The following DAB1 variants were observed in gnomAD, a reference collection of about 807,000 sequenced individuals.
DAB1 encodes disabled homolog 1.
In DAB1, 15 loss-of-function variants were observed where a neutral mutation model predicts 64.6. The ratio of observed to expected loss-of-function variants is 0.23; its 90% confidence interval spans 0.16 to 0.36. DAB1 has a LOEUF of 0.36. Among genes scored for constraint, DAB1 ranks in the 10% least tolerant of loss-of-function variants. The probability of loss-of-function intolerance (pLI) is 1.00; values close to 1 mark genes in which losing one functional copy is unlikely to be tolerated. For synonymous variants in DAB1, 235 were observed against 251.9 expected, an observed-to-expected ratio of 0.93 and a Z score of 0.64; for missense variants, 596 against 706.7, an observed-to-expected ratio of 0.84 and a Z score of 1.78.
chr1:58,127,106 C>G (rs2100685713), intron 5 of DAB1, among the ~76,000 whole-genome samples: 1 of 151,298 alleles, frequency 6.6e-6, no homozygotes, highest in Non-Finnish European at 1.5e-5. Flanking sequence ...TTTTCCACAT[C>G]CTCTCCAGCA....
intron 7 of DAB1, among the ~76,000 whole-genome samples, chr1:57,549,057 G>A (rs1176000015): frequency 4.6e-5 from 7 of 152,236 alleles, no homozygotes; most frequent in Non-Finnish European, 8.8e-5. Context: ...AGAAATGGAC[G>A]GCTTTGTGTG....
intron 1 of DAB1, among the ~76,000 whole-genome samples, chr1:57,295,078 GCA>G (rs1238511478): frequency 6.6e-6 from 1 of 152,108 alleles, no homozygotes; most frequent in Non-Finnish European, 1.5e-5. Context: ...CAGGGGAGGG[GCA>G]TAAGGTTGAG....
At chr1:58,118,013 C>G (rs866473868) in intron 5 of DAB1, among the ~76,000 whole-genome samples, 2 of 151,964 alleles carry the variant, frequency 1.3e-5, no homozygotes, top group South Asian at 4.2e-4. Context: ...CAAGTGATCT[C>G]CTACCTCAGC....
Position 58,206,082 on chromosome 1 carries a change from T to TGC in DAB1, n.310-55496_310-55495dup, listed in dbSNP as rs143663777. Among the ~76,000 whole-genome samples the TGC allele has an allele frequency of 5.8e-3, 885 of 152,294 alleles. 39 individuals are homozygous for TGC. The East Asian group carries it at 0.12, about 21-fold the overall frequency. ...GTTTATTTTGCCAAAGTTAAGGACGTGCGCCCATGACACAGTCTCAGGACG... is the reference window on the plus strand; with the variant it reads ...GTTTATTTTGCCAAAGTTAAGGACGTGCGCGCCCATGACACAGTCTCAGGACG... On this transcript the variant is annotated intron_variant and non_coding_transcript_variant, in intron 4 of 20. Coordinates refer to the DAB1 transcript ENST00000485760.
chr1:57,071,731 C>G (rs946848309), intron 5 of DAB1, 90 bp from the exon 6 acceptor site: 1 of 1,216,912 alleles, frequency 8.2e-7, no homozygotes, highest in Non-Finnish European at 1.1e-6. Context: ...ACCCGCAGCC[C>G]TTCCTTTTTC....
chr1:57,598,644 G>A (rs950669170), intron 7 of DAB1, among the ~76,000 whole-genome samples: 22 of 152,284 alleles, frequency 1.4e-4, no homozygotes, highest in African/African-American at 4.8e-4. Context: ...AGGGAGGCTG[G>A]TGGGCTGGCT....
intron 5 of DAB1, among the ~76,000 whole-genome samples, chr1:58,146,773 T>A (rs1036718151): frequency 3.9e-5 from 6 of 152,184 alleles, no homozygotes; most frequent in African/African-American, 1.4e-4. Context: ...TATATGTGAA[T>A]ATATTGCACA....
At chr1:57,617,276 A>G (rs559850107) in intron 7 of DAB1, among the ~76,000 whole-genome samples, 1 of 151,946 alleles carries the variant, frequency 6.6e-6, no homozygotes, top group Non-Finnish European at 1.5e-5. Flanking sequence ...CCAATGACCA[A>G]CCGCCAGTGT....
chr1:57,558,105 G>C (rs1645011486), intron 7 of DAB1, among the ~76,000 whole-genome samples: 1 of 152,260 alleles, frequency 6.6e-6, no homozygotes, highest in Admixed American at 6.5e-5. Flanking sequence ...GCTGAAACTT[G>C]GAATGGGGAT....
chr1:57,547,951 C>T (rs1231646280), intron 7 of DAB1, among the ~76,000 whole-genome samples: 1 of 152,098 alleles, frequency 6.6e-6, no homozygotes, highest in East Asian at 1.9e-4. Context: ...GTGGCTGGCA[C>T]ATAAAAGACA....
intron 11 of DAB1, among the ~76,000 whole-genome samples, chr1:57,021,306 C>G (rs1422897650): frequency 6.6e-6 from 1 of 152,136 alleles, no homozygotes; most frequent in Non-Finnish European, 1.5e-5. Flanking sequence ...TCTTCCAAGT[C>G]CCTAATCTGG....
chr1:57,847,137 C>G (rs1269957615), intron 1 of DAB1, among the ~76,000 whole-genome samples: 3 of 152,122 alleles, frequency 2.0e-5, no homozygotes, highest in African/African-American at 4.8e-5. Flanking sequence ...AGGTTTAAGA[C>G]CGATTTTATT....
At chr1:57,446,639 G>A (rs1484666906) in intron 7 of DAB1, among the ~76,000 whole-genome samples, 4 of 151,614 alleles carry the variant, frequency 2.6e-5, no homozygotes, top group Non-Finnish European at 5.9e-5. Context: ...AGTTTTAGCT[G>A]GAGGAACCCA....
intron 6 of DAB1, among the ~76,000 whole-genome samples, chr1:57,816,853 G>A (rs980512948): frequency 9.2e-5 from 14 of 152,192 alleles, no homozygotes; most frequent in African/African-American, 3.1e-4. Flanking sequence ...ATTACCGTAT[G>A]CCTATTATGT....
chr1:57,343,487 G>A (rs1294660958), intron 1 of DAB1, among the ~76,000 whole-genome samples: 1 of 152,212 alleles, frequency 6.6e-6, no homozygotes, highest in African/African-American at 2.4e-5. Context: ...GGGACTAGGC[G>A]CCATGGAGCA....
At chr1:58,421,499 C>T (rs543887978) in intron 3 of DAB1, among the ~76,000 whole-genome samples, 1 of 152,324 alleles carries the variant, frequency 6.6e-6, no homozygotes, top group South Asian at 2.1e-4. Context: ...ATATATGTCA[C>T]ATCTTCTTTA....
chr1:57,446,059 G>C (rs886158488), intron 7 of DAB1, among the ~76,000 whole-genome samples: 1 of 152,084 alleles, frequency 6.6e-6, no homozygotes, highest in Non-Finnish European at 1.5e-5. Flanking sequence ...ATGATTTCAG[G>C]TAAGTAACTT....
intron 1 of DAB1, among the ~76,000 whole-genome samples, chr1:57,420,181 T>C (rs138784257): frequency 1.1e-4 from 16 of 152,306 alleles, no homozygotes; most frequent in African/African-American, 3.9e-4. Flanking sequence ...GGGAAATATG[T>C]AGCTTGCTCC....
chr1:58,465,457 C>T (rs904606179), intron 3 of DAB1, among the ~76,000 whole-genome samples: 6 of 152,176 alleles, frequency 3.9e-5, no homozygotes, highest in Non-Finnish European at 8.8e-5. Context: ...ACAACAACGA[C>T]GACAAAATGT....
Sources: allele counts gnomAD v4.1 joint callset (sites outside exome capture counted in the v4.1 genomes callset), GRCh38; gene constraint gnomAD v4.1.1; transcripts MANE v1.5; gene names NCBI Gene and HGNC (gene_info 2026-07-23, HGNC 2026-07-21).